The following NID2 variants were observed in gnomAD, a reference collection of about 807,000 sequenced individuals.
NID2 encodes nidogen 2.
NID2 carries 83 observed loss-of-function variants against 145.4 expected under a neutral mutation model. The ratio of observed to expected loss-of-function variants is 0.57; its 90% CI spans 0.48 to 0.69. The LOEUF (loss-of-function observed/expected upper bound fraction) is 0.69, where lower values mean the gene tolerates loss of function less well. Among genes scored for constraint, NID2 ranks in the 30% least tolerant of loss-of-function variants. NID2 has a pLI of 0.00. For synonymous variants in NID2, 739 were observed against 701.3 expected (o/e 1.05, Z -0.85); for missense variants, 1,807 against 1,765.7 (o/e 1.02, Z -0.42).
intron 12 of NID2, among the ~76,000 whole-genome samples, chr14:52,025,592 G>A (rs943588338): frequency 3.3e-5 from 5 of 152,192 alleles, no homozygotes; most frequent in African/African-American, 1.2e-4. Context: ...AAGGTCAAGG[G>A]TTGAAATCTG....
chr14:52,029,135 C>A (rs1891704929), intron 10 of NID2, among the ~76,000 whole-genome samples: 1 of 152,208 alleles, frequency 6.6e-6, no homozygotes, highest in South Asian at 2.1e-4. Flanking sequence ...AGAAAACCAA[C>A]AATTTTTTTT....
At position 52,054,191 on chromosome 14, in the gene NID2, A is replaced by C. The variant is rs1444129375; in HGVS notation, c.898T>G (p.Phe300Val). ...AHSSVPLGRS[F>V]SHATALESDY... is the part of the protein sequence containing the mutation. ...CTTTCCAGGGCTGTAGCATGGCTGA[A>C]GGAACGTCCCAGGGGAACAGAAGAG... Residue 300 changes from phenylalanine to valine, a missense_variant, in exon 4 of 22, where the codon TTC becomes GTC. Phe to Val is a conservative substitution (Grantham distance 50). Transcript: ENST00000216286. 6.2e-7 allele frequency: 1 copy of C among 1,614,154 alleles called. No individual in the cohort carries two copies. The highest frequency in any genetic ancestry group is 2.2e-5 in the East Asian group (1 of 44,888).
intron 11 of NID2, 33 bp downstream of exon 11, chr14:52,028,689 T>C: frequency 6.2e-7 from 1 of 1,607,806 alleles, no homozygotes; most frequent in Non-Finnish European, 8.5e-7. Context: ...GAGCACCATT[T>C]TGGCCACACA....
At position 52,011,631 on chromosome 14, in the gene NID2, C is replaced by T; in HGVS notation, c.3473G>A (p.Trp1158Ter). The T allele has an allele frequency of 1.2e-6, 2 of 1,614,212 alleles. No homozygotes were observed. The highest frequency in any genetic ancestry group is 1.7e-6 in the Non-Finnish European group (2 of 1,180,026). ...DYDCRERMVY[W>*]TDVAGRTISR... ...GATTGTCCGTCCAGCAACATCTGTC[C>T]AGTACACCATCCTCTCCCGGCAGTC... is the stretch of plus-strand genomic sequence containing the variant. The change falls in exon 17 of 22, where the codon TGG becomes TAG. Residue 1158 changes from tryptophan (W) to a stop codon, truncating the protein, a stop_gained. Coordinates refer to ENST00000216286, the MANE Select transcript of NID2 (RefSeq NM_007361.4). LOFTEE classifies it high-confidence loss of function.
chr14:52,030,309 G>A (rs911665027), intron 9 of NID2, among the ~76,000 whole-genome samples: 1 of 151,984 alleles, frequency 6.6e-6, no homozygotes, highest in African/African-American at 2.4e-5. Flanking sequence ...TACTCACTAG[G>A]TAGCGATTAC....
chr14:52,005,778 T>TGAGATCA lies in NID2; in HGVS notation c.4075_4076insTGATCTC (p.His1359LeufsTer25), dbSNP rs1170266672. ...GTAGACTGCAGTTATCCCGTAGAGG[T>TGAGATCA]GAGATCGTTGTTCTGGGAGATACTC... On this transcript the variant is annotated frameshift_variant, in exon 21 of 22. Coordinates refer to ENST00000216286, the MANE Select transcript of NID2 (RefSeq NM_007361.4). LOFTEE classifies it high-confidence loss of function. 1 of 1,613,726 alleles carries TGAGATCA rather than the reference T, an allele frequency of 6.2e-7. No individual in the cohort carries two copies. The highest frequency in any genetic ancestry group is 1.7e-5 in the Admixed American group (1 of 59,998).
intron 16 of NID2, among the ~76,000 whole-genome samples, chr14:52,013,487 A>G (rs1248226998): frequency 6.6e-6 from 1 of 152,186 alleles, no homozygotes; most frequent in Non-Finnish European, 1.5e-5. Flanking sequence ...TCATTAACAG[A>G]AGTAAATGTA....
At chr14:52,037,834 G>A (rs117372139) in intron 9 of NID2, among the ~76,000 whole-genome samples, 1 of 152,238 alleles carries the variant, frequency 6.6e-6, no homozygotes, top group East Asian at 1.9e-4. Context: ...AAAATGTTTT[G>A]TGGGATGCAA....
At chr14:52,037,538 G>A (rs1355523189) in intron 9 of NID2, among the ~76,000 whole-genome samples, 4 of 152,070 alleles carry the variant, frequency 2.6e-5, no homozygotes, top group Non-Finnish European at 5.9e-5. Flanking sequence ...GTATCCTTAC[G>A]CCAGGACCAC....
intron 1 of NID2, among the ~76,000 whole-genome samples, chr14:52,068,534 C>G (rs1397497567): frequency 6.6e-6 from 1 of 152,242 alleles, no homozygotes; most frequent in African/African-American, 2.4e-5. Context: ...ACCTTTTCTG[C>G]CTGGGACGCG....
In NID2 at chr14:52,053,789, A is replaced by G; in HGVS notation, c.1219T>C (p.Ser407Pro). Residue 407 changes from serine (S) to proline (P), a missense_variant, in exon 5 of 22, where the codon TCC (serine) becomes CCC (proline). Ser to Pro is a moderately conservative substitution (Grantham distance 74). Transcript: ENST00000216286. The part of the protein sequence containing the change: ...PEVDRDSLAP[S>P]WETPPPYPEN... ...GGGTACGGTGGTGGGGTTTCCCAGG[A>G]AGGAGCCAGTGAATCTCTGTCTACC... is the stretch of plus-strand genomic sequence containing the variant. 1.2e-6 allele frequency: 2 copies of G among 1,614,144 alleles called. No individual in the cohort carries two copies. The highest frequency in any genetic ancestry group is 2.2e-5 in the South Asian group (2 of 91,076).
rs555629186 is a variant in NID2 at position 52,006,782 on chromosome 14, T to C, written c.3881-122A>G. On this transcript the variant is annotated intron_variant, in intron 19 of 21. Transcript: ENST00000216286. ...GGATATTTTACTTCCATTACAGTCA[T>C]AGATTAGCAACTGTAAAATTACCTG... The C allele has an allele frequency of 8.4e-4, 893 of 1,057,754 alleles. 4 individuals carry two copies. Among genetic ancestry groups the C allele is most frequent in the Non-Finnish European group, 4.1e-4 (300 of 724,296 alleles). 65.5% of individuals were successfully genotyped at this position (1,057,754 alleles called of 1,614,324 possible). A position where few individuals can be genotyped will look rare whatever the true frequency, so the allele number is the denominator to read the frequency against.
intron 17 of NID2, 101 bp from the exon 18 acceptor site, chr14:52,011,148 A>C: frequency 8.6e-7 from 1 of 1,163,620 alleles, no homozygotes; most frequent in Non-Finnish European, 1.2e-6. Context: ...AGCAGGGGAA[A>C]GCAAAGCCCA....
In NID2 at chr14:52,060,280, A is replaced by T; in HGVS notation, c.611T>A (p.Leu204Gln). Residue 204 changes from leucine to glutamine, a missense_variant, in exon 3 of 22, where the codon CTG (leucine) becomes CAG (glutamine). Transcript: ENST00000216286. ...TTTGGGGCGGGTTCCAAGGAACTGC[A>T]GGCCGTTGGCAGGATAAAGAAAGAG... ...YALFLYPANG[L>Q]QFLGTRPKES... 1.2e-6 allele frequency: 2 copies of T among 1,613,320 alleles called. No individual in the cohort carries two copies. Among genetic ancestry groups the T allele is most frequent in the South Asian group, 2.2e-5 (2 of 91,018 alleles).
chr14:52,056,301 A>C (rs552107945), intron 3 of NID2, among the ~76,000 whole-genome samples: 18 of 152,346 alleles, frequency 1.2e-4, no homozygotes, highest in Non-Finnish European at 2.5e-4. Context: ...ATTATATATA[A>C]ATCACTATCT....
At chr14:52,066,709 C>T (rs1893228106) in intron 2 of NID2, among the ~76,000 whole-genome samples, 1 of 152,154 alleles carries the variant, frequency 6.6e-6, no homozygotes, top group African/African-American at 2.4e-5. Context: ...CATGTACCAT[C>T]CTTCTATAGT....
At chr14:52,047,647 CCG>C (rs1046344913) in intron 5 of NID2, among the ~76,000 whole-genome samples, 1 of 151,954 alleles carries the variant, frequency 6.6e-6, no homozygotes, top group African/African-American at 2.4e-5. Context: ...GAAGGTGGAA[CCG>C]AGAGGGTTTG....
intron 3 of NID2, among the ~76,000 whole-genome samples, chr14:52,059,076 A>G (rs1032303680): frequency 1.3e-5 from 2 of 152,216 alleles, no homozygotes; most frequent in Non-Finnish European, 2.9e-5. Flanking sequence ...CTTAACTTTG[A>G]GATCATAGGC....
intron 5 of NID2, among the ~76,000 whole-genome samples, chr14:52,043,145 G>A (rs1179533956): frequency 6.6e-6 from 1 of 152,202 alleles, no homozygotes; most frequent in African/African-American, 2.4e-5. Context: ...GGGTCCCATT[G>A]CAGAGTTGGT....
Sources: gnomAD v4.1 joint callset for allele counts (sites outside exome capture counted in the v4.1 genomes callset) on GRCh38, gnomAD v4.1.1 for gene constraint, MANE v1.5 for transcripts, NCBI Gene and HGNC (gene_info 2026-07-23, HGNC 2026-07-21) for gene names.